The following TSGA10 variants were observed in gnomAD, a reference collection of about 807,000 sequenced individuals.
TSGA10 encodes the protein testis specific 10.
In TSGA10, 43 loss-of-function variants were observed where a neutral mutation model predicts 96.6. The observed-to-expected ratio is 0.44, with a 90% CI of 0.35 to 0.57. TSGA10 has a LOEUF of 0.57. Ranked by LOEUF, TSGA10 falls within the 20% of genes least tolerant of loss-of-function variation. TSGA10 has a pLI of 0.01. For synonymous variants in TSGA10, 229 were observed against 269.9 expected, an observed-to-expected ratio of 0.85 and a Z score of 1.48; for missense variants, 703 against 834.4, an observed-to-expected ratio of 0.84 and a Z score of 1.94.
intron 10 of TSGA10, among the ~76,000 whole-genome samples, chr2:99,083,912 A>AT (rs1452375200): frequency 6.6e-5 from 10 of 152,346 alleles, no homozygotes; most frequent in South Asian, 2.1e-4. Context: ...ATGAAACTAC[A>AT]TATGTGATAA....
At chr2:99,114,559 C>T (rs981417239) in intron 4 of TSGA10, among the ~76,000 whole-genome samples, 2 of 152,114 alleles carry the variant, frequency 1.3e-5, no homozygotes, top group Non-Finnish European at 1.5e-5. Context: ...GCTTTCCAAC[C>T]CTCAAATACA....
rs70940132 is a variant in TSGA10, at chr2:99,031,286, C to CA, written c.1614+3943dup. 4.0e-3 allele frequency among the ~76,000 whole-genome samples: 186 copies of CA among 46,418 alleles called. 23 individuals are homozygous for CA. The highest frequency in any genetic ancestry group is 0.025 in the Admixed American group (69 of 2,746). 30.5% of individuals were successfully genotyped at this position (46,418 alleles called of 152,430 possible). On this transcript the variant is annotated intron_variant, in intron 17 of 20. Transcript: ENST00000393483. ...CAGAAGAAGGTGGATACTCATAGGC[C>CA]AAAAAAAAAAAAAAAAAAAAAAAAA...
At chr2:99,082,345 T>C (rs1480602063) in intron 10 of TSGA10, among the ~76,000 whole-genome samples, 2 of 152,224 alleles carry the variant, frequency 1.3e-5, no homozygotes, top group Non-Finnish European at 1.5e-5. Flanking sequence ...TGCATGTTTT[T>C]ACTTCTGTAG....
chr2:99,102,205 T>C lies in TSGA10; in HGVS notation c.611+1762A>G, dbSNP rs923113418. ...GCTATTCAGTTAACTTTCAAACAGG[T>C]ATCCAAGAACTTCAGTGAAGTATTC... On this transcript the variant is annotated intron_variant, in intron 10 of 20. Coordinates refer to ENST00000393483, the MANE Select transcript of TSGA10 (RefSeq NM_025244.4). The C allele has an allele frequency of 5.0e-5, 81 of 1,605,382 alleles. 1 individual carries two copies. The highest frequency in any genetic ancestry group is 6.4e-5 in the Non-Finnish European group (75 of 1,172,200).
chr2:99,074,181 T>G (rs928430272), intron 12 of TSGA10, among the ~76,000 whole-genome samples: 30 of 151,866 alleles, frequency 2.0e-4, no homozygotes, highest in Admixed American at 6.6e-5. Context: ...CCCAGCTAAT[T>G]TTTTGTATAC....
At chr2:99,062,739 AACAG>A (rs1321063098) in intron 16 of TSGA10, among the ~76,000 whole-genome samples, 5 of 152,178 alleles carry the variant, frequency 3.3e-5, no homozygotes, top group Non-Finnish European at 5.9e-5. Context: ...GTCTCAAACA[AACAG>A]ACAAACAAAC....
intron 14 of TSGA10, 59 bp downstream of exon 14, chr2:99,071,647 C>G: frequency 6.5e-7 from 1 of 1,526,788 alleles, no homozygotes; most frequent in East Asian, 2.3e-5. Flanking sequence ...GAGGGCTGTT[C>G]CTCACAAGAA....
chr2:99,054,326 G>A (rs1420248747), intron 16 of TSGA10, among the ~76,000 whole-genome samples: 2 of 152,106 alleles, frequency 1.3e-5, no homozygotes, highest in African/African-American at 4.8e-5. Context: ...GGAGAAGAAT[G>A]AGATTGGACC....
At chr2:99,069,730 A>T (rs1015553376) in intron 14 of TSGA10, among the ~76,000 whole-genome samples, 1 of 152,066 alleles carries the variant, frequency 6.6e-6, no homozygotes, top group Non-Finnish European at 1.5e-5. Flanking sequence ...ATTTAATGAG[A>T]TGCTGTCATT....
At chr2:99,124,063 C>A (rs1253618232) in intron 2 of TSGA10, among the ~76,000 whole-genome samples, 3 of 152,334 alleles carry the variant, frequency 2.0e-5, no homozygotes, top group African/African-American at 7.2e-5. Flanking sequence ...AAATGATTTT[C>A]ACCAAGGTGG....
chr2:99,122,964 A>C (rs955153444), intron 2 of TSGA10, among the ~76,000 whole-genome samples: 2 of 151,910 alleles, frequency 1.3e-5, no homozygotes, highest in Admixed American at 6.6e-5. Flanking sequence ...AATTATCTTA[A>C]TTTTTCTTTA....
chr2:99,105,302 G>C, intron 9 of TSGA10, 57 bp downstream of exon 9: 2 of 1,410,460 alleles, frequency 1.4e-6, no homozygotes, highest in Non-Finnish European at 1.9e-6. Flanking sequence ...AAGGAGAAAG[G>C]GGAAAGCCAT....
chr2:99,148,443 C>T (rs978558416), intron 1 of TSGA10: 6 of 152,216 alleles, frequency 3.9e-5, no homozygotes, highest in African/African-American at 1.4e-4. Flanking sequence ...CAAATATATA[C>T]TATTTACCTA....
chr2:99,103,122 C>T (rs56926889), intron 10 of TSGA10, among the ~76,000 whole-genome samples: 9,006 of 151,150 alleles, frequency 0.06, 524 homozygotes, highest in East Asian at 0.21. Context: ...AGACCAGGCC[C>T]GGTGGCTCAT....
intron 20 of TSGA10, among the ~76,000 whole-genome samples, chr2:99,017,771 A>G (rs1234281568): frequency 6.6e-6 from 1 of 151,782 alleles, no homozygotes; most frequent in East Asian, 1.9e-4. Context: ...TCTCAAAAAA[A>G]AAAAAAAAAA....
At chr2:99,064,488 A>C (rs1362004787) in intron 16 of TSGA10, among the ~76,000 whole-genome samples, 1 of 152,230 alleles carries the variant, frequency 6.6e-6, no homozygotes, top group Non-Finnish European at 1.5e-5. Context: ...TTGTAGAAAA[A>C]GTATAAACAT....
At position 99,035,409 on chromosome 2, in the gene TSGA10, G is replaced by A; in HGVS notation, c.1435C>T (p.Gln479Ter). 1 of 1,611,890 alleles carries A rather than the reference G, an allele frequency of 6.2e-7. No homozygotes were observed. The highest frequency in any genetic ancestry group is 8.5e-7 in the Non-Finnish European group (1 of 1,178,822). Residue 479 changes from glutamine (Q) to a stop codon, truncating the protein, a stop_gained, in exon 17 of 21, where the codon CAG becomes TAG. Coordinates refer to ENST00000393483, the MANE Select transcript of TSGA10 (RefSeq NM_025244.4). LOFTEE classifies it high-confidence loss of function. Reference sequence around the variant, plus strand: ...ACAGATTTATGTAAGGTAGAAATCTGGGACTTGTAAGACCTTTCTGCATTT... The same window carrying A: ...ACAGATTTATGTAAGGTAGAAATCTAGGACTTGTAAGACCTTTCTGCATTT... ...HLNAERSYKS[Q>*]ISTLHKSVVK...
chr2:99,127,058 A>T lies in TSGA10; in HGVS notation c.-502T>A. ...GTAACTAAACGCAACCTGTAATTTC[A>T]GTGTCGAGATGAATCTATCTTGGTT... is the stretch of plus-strand genomic sequence containing the variant. On this transcript the variant is annotated 5_prime_UTR_variant, in exon 2 of 21. Coordinates refer to ENST00000393483, the MANE Select transcript of TSGA10 (RefSeq NM_025244.4). 2 of 1,288,968 alleles carry T rather than the reference A, an allele frequency of 1.6e-6. No individual in the cohort carries two copies. The highest frequency in any genetic ancestry group is 2.0e-6 in the Non-Finnish European group (2 of 988,652). The allele number at this position is 1,288,968 out of a possible 1,614,324, so 79.8% of individuals were successfully genotyped here. A position where few individuals can be genotyped will look rare whatever the true frequency, so the allele number is the denominator to read the frequency against.
At chr2:99,141,527 G>C (rs940002941) in intron 1 of TSGA10, 2 of 154,340 alleles carry the variant, frequency 1.3e-5, no homozygotes, top group Non-Finnish European at 2.9e-5. Flanking sequence ...AGGGCACCTA[G>C]GAGGGACCCC....
Sources: allele counts gnomAD v4.1 joint callset (sites outside exome capture counted in the v4.1 genomes callset), GRCh38; gene constraint gnomAD v4.1.1; transcripts MANE v1.5; gene names NCBI Gene and HGNC (gene_info 2026-07-23, HGNC 2026-07-21).